Variants in MIIP observed in about 807,000 individuals in gnomAD.
MIIP encodes migration and invasion inhibitory protein, also known as migration and invasion-inhibitory protein.
MIIP carries 44 observed loss-of-function variants against 44.8 expected under a neutral mutation model. The ratio of observed to expected loss-of-function variants is 0.98; its 90% CI spans 0.77 to 1.26. The LOEUF (loss-of-function observed/expected upper bound fraction) is 1.26, where lower values mean the gene tolerates loss of function less well. Ranked by LOEUF, MIIP falls within the 50% of genes most tolerant of loss-of-function variation. The pLI is 0.00. For synonymous variants in MIIP, 225 were observed against 218.3 expected (o/e 1.03, Z -0.27); for missense variants, 496 against 511.7 (o/e 0.97, Z 0.30).
At position 12,025,774 on chromosome 1, in the gene MIIP, C is replaced by T. The variant is rs527548166; in HGVS notation, c.547+2857C>T. 7.2e-5 allele frequency among the ~76,000 whole-genome samples: 11 copies of T among 152,238 alleles called. No homozygotes were observed. In the South Asian group the frequency reaches 2.1e-3, roughly 29 times the overall value. On this transcript the variant is annotated intron_variant, in intron 4 of 9. Transcript: ENST00000235332. The stretch of plus-strand genomic sequence containing the variant: ...CAAGTCCAGTGGTGTTATTTCTGCT[C>T]ATTGCAACCTCCGCTTCCTTGGTTC...
chr1:12,022,528 G>C, intron 3 of MIIP, 86 bp downstream of exon 3: 1 of 1,174,736 alleles, frequency 8.5e-7, no homozygotes, highest in Non-Finnish European at 1.2e-6. Flanking sequence ...CTTGTGGGTA[G>C]CCTCCCTTGC....
Position 12,021,825 on chromosome 1 carries a change from C to T in MIIP, c.99C>T (p.Ala33=), listed in dbSNP as rs1182091796. The T allele has an allele frequency of 1.9e-6, 3 of 1,609,736 alleles. No individual in the cohort carries two copies. Among genetic ancestry groups the T allele is most frequent in the Admixed American group, 3.3e-5 (2 of 59,794 alleles). The change falls in exon 2 of 10, where the codon GCC becomes GCT. Residue 33 remains alanine (A), a synonymous_variant. Transcript: ENST00000235332. ...VGQDAVRRSV[A]RAASESSLES... is the part of the protein sequence containing the mutation. ...AGGATGCTGTGCGGCGGTCAGTGGC[C>T]AGGGCAGCCTCGGAGGTGCGTGCCC...
At chr1:12,022,738 A>G (rs765675917) in intron 3 of MIIP, 95 bp from the exon 4 acceptor site, 4 of 982,100 alleles carry the variant, frequency 4.1e-6, no homozygotes, top group Non-Finnish European at 4.7e-6. Flanking sequence ...GTCAGGGTGT[A>G]AGTTAAGACA....
chr1:12,027,006 C>CTTTT (rs752323245), intron 4 of MIIP, among the ~76,000 whole-genome samples: 5 of 129,514 alleles, frequency 3.9e-5, no homozygotes, highest in African/African-American at 8.8e-5. Flanking sequence ...TTTTCTTTTT[C>CTTTT]TTTTTTTTTT....
Position 12,029,819 on chromosome 1 carries a change from G to T in MIIP, c.770G>T (p.Gly257Val), listed in dbSNP as rs999586778. The stretch of plus-strand genomic sequence containing the variant: ...CTGTTCCCGGTGCCTGTGGATCCCG[G>T]TACCCCCTGCCGCCTGTGCAGGACA... ...RRLFPVPVDP[G>V]TPCRLCRTPR... Residue 257 changes from glycine to valine, a missense_variant, in exon 7 of 10, where the codon GGT becomes GTT. Gly to Val is a moderately radical substitution (Grantham distance 109). Transcript: ENST00000235332. 1.2e-6 allele frequency: 2 copies of T among 1,613,302 alleles called. No homozygotes were observed. The highest frequency in any genetic ancestry group is 8.5e-7 in the Non-Finnish European group (1 of 1,179,658).
chr1:12,025,733 C>T (rs1218404232), intron 4 of MIIP, among the ~76,000 whole-genome samples: 3 of 152,146 alleles, frequency 2.0e-5, no homozygotes, highest in East Asian at 1.9e-4. Flanking sequence ...TATTTGTTTT[C>T]TCTGTTGCCC....
chr1:12,022,765 C>G, intron 3 of MIIP, 68 bp from the exon 4 acceptor site: 1 of 1,241,774 alleles, frequency 8.1e-7, no homozygotes, highest in Non-Finnish European at 1.2e-6. Context: ...CTCTGTCCCT[C>G]GAATTGCGGC....
chr1:12,029,184 C>T (rs1376461303), intron 5 of MIIP, 39 bp from the exon 6 acceptor site: 11 of 1,613,298 alleles, frequency 6.8e-6, no homozygotes, highest in Non-Finnish European at 9.3e-6. Context: ...GGCTGAGCGG[C>T]TCCATCCCCC....
At chr1:12,029,504 A>G (rs1640180403) in intron 6 of MIIP, 4 of 685,620 alleles carry the variant, frequency 5.8e-6, no homozygotes, top group South Asian at 3.8e-5. Flanking sequence ...CCTGTGTGGC[A>G]CCATCCCACC....
chr1:12,030,699 T>C (rs551259829), intron 8 of MIIP, among the ~76,000 whole-genome samples: 4 of 145,114 alleles, frequency 2.8e-5, no homozygotes, highest in Admixed American at 2.1e-4. Context: ...CGCTTGAACC[T>C]GGGAGGCAGA....
chr1:12,025,937 A>G lies in MIIP; in HGVS notation c.547+3020A>G, dbSNP rs550195176. Among the ~76,000 whole-genome samples, 8 of 151,328 alleles carry G rather than the reference A, an allele frequency of 5.3e-5. No individual in the cohort carries two copies. In the South Asian group the frequency reaches 1.7e-3, roughly 32 times the overall value. ...GGTCTCGAACTCCTGACCTCAGGTGATCTGCCCGCCTTGGCCTCCCAAAGT... is the reference window on the plus strand; with the variant it reads ...GGTCTCGAACTCCTGACCTCAGGTGGTCTGCCCGCCTTGGCCTCCCAAAGT... On this transcript the variant is annotated intron_variant, in intron 4 of 9. Transcript: ENST00000235332.
intron 4 of MIIP, 116 bp downstream of exon 4, chr1:12,023,033 G>T: frequency 2.8e-6 from 2 of 723,634 alleles, no homozygotes; most frequent in Non-Finnish European, 2.3e-6. Flanking sequence ...TTCTCTGACC[G>T]TGCCATCCTC....
chr1:12,031,847 C>A lies in MIIP; in HGVS notation c.*39C>A. On this transcript the variant is annotated 3_prime_UTR_variant, in exon 10 of 10. Coordinates refer to ENST00000235332, the MANE Select transcript of MIIP (RefSeq NM_021933.4). ...GGGGAGAACAGCATTCCCGCCGCCT[C>A]CAGCCTCTCCCCTCTGGCAGGCGCA... The A allele has an allele frequency of 6.3e-7, 1 of 1,581,162 alleles. No homozygotes were observed. Among genetic ancestry groups the A allele is most frequent in the Non-Finnish European group, 8.7e-7 (1 of 1,152,540 alleles).
chr1:12,023,045 G>A (rs1213792162), intron 4 of MIIP, 128 bp downstream of exon 4: 5 of 633,658 alleles, frequency 7.9e-6, no homozygotes, highest in South Asian at 2.1e-5. Flanking sequence ...GCCATCCTCC[G>A]TGGGGAGCAC....
rs111517787 is a variant in MIIP, at chr1:12,031,823, G to A, written c.*15G>A. The A allele has an allele frequency of 1.6e-3, 2,508 of 1,611,648 alleles. 31 individuals are homozygous for A. The African/African-American group carries it at 0.029, about 19-fold the overall frequency. On this transcript the variant is annotated 3_prime_UTR_variant, in exon 10 of 10. Transcript: ENST00000235332. ...AGAAGCCCTGAGGACTGACTCCTGG[G>A]GGAGAACAGCATTCCCGCCGCCTCC...
chr1:12,031,222 A>C (rs1244296780), intron 8 of MIIP, 44 bp from the exon 9 acceptor site: 2 of 1,588,886 alleles, frequency 1.3e-6, no homozygotes, highest in East Asian at 2.2e-5. Flanking sequence ...GTCAGCGGGG[A>C]GCTTGTCCCA....
In MIIP at chr1:12,031,806, T is replaced by C. The variant is rs1239685461; in HGVS notation, c.1165T>C (p.Ter389ArgextTer38). 2 of 1,613,314 alleles carry C rather than the reference T, an allele frequency of 1.2e-6. No individual in the cohort carries two copies. Among genetic ancestry groups the C allele is most frequent in the East Asian group, 2.2e-5 (1 of 44,880 alleles). Residue 389 changes from the stop codon to arginine (R), a stop_lost, in exon 10 of 10, where the codon TGA becomes CGA. Transcript: ENST00000235332. ...PRPHVPRQKP[*>R] is the part of the protein sequence containing the mutation. ...GCCCCACGTCCCACGGCAGAAGCCC[T>C]GAGGACTGACTCCTGGGGGAGAACA...
intron 4 of MIIP, among the ~76,000 whole-genome samples, chr1:12,025,128 C>T (rs1342205591): frequency 1.4e-5 from 2 of 145,886 alleles, no homozygotes; most frequent in Admixed American, 7.0e-5. Flanking sequence ...GGTGTGATCT[C>T]GGCTCACTGC....
intron 6 of MIIP, chr1:12,029,533 G>C: frequency 1.4e-6 from 1 of 693,226 alleles, no homozygotes; most frequent in East Asian, 2.7e-5. Context: ...CAGTGCCCCT[G>C]TGCTGGTGGG....
Sources: allele counts gnomAD v4.1 joint callset (sites outside exome capture counted in the v4.1 genomes callset), GRCh38; gene constraint gnomAD v4.1.1; transcripts MANE v1.5; gene names NCBI Gene and HGNC (gene_info 2026-07-23, HGNC 2026-07-21).